AVEN: variants seen among roughly 807,000 people sequenced by gnomAD.
AVEN encodes the protein apoptosis and caspase activation inhibitor.
A neutral mutation model predicts 38.1 loss-of-function variants in AVEN; 41 were observed. The observed-to-expected ratio is 1.08, with a 90% confidence interval of 0.84 to 1.40. The LOEUF is 1.40. Among genes scored for constraint, AVEN ranks in the 40% most tolerant of loss-of-function variants. The probability of loss-of-function intolerance (pLI) is 0.00; values close to 1 mark genes in which losing one functional copy is unlikely to be tolerated. For synonymous variants in AVEN, 206 were observed against 171.8 expected, an observed-to-expected ratio of 1.20 and a Z score of -1.56; for missense variants, 605 against 438.8, an observed-to-expected ratio of 1.38 and a Z score of -3.38.
Position 33,875,987 on chromosome 15 carries a change from A to G in AVEN, c.454T>C (p.Phe152Leu). 1 of 1,612,940 alleles carries G rather than the reference A, an allele frequency of 6.2e-7. No homozygotes were observed. Among genetic ancestry groups the G allele is most frequent in the Non-Finnish European group, 8.5e-7 (1 of 1,179,772 alleles). The part of the protein sequence containing the change: ...SVLLSSAGDS[F>L]SQFRFAEEKE... ...TCCTCAGCAAACCGGAACTGTGAGA[A>G]TGAGTCCCCTAGGAATAGGAAAAAA... The change falls in exon 3 of 6, where the codon TTC (phenylalanine) becomes CTC (leucine). Residue 152 changes from phenylalanine to leucine, a missense_variant. Transcript: ENST00000306730.
intron 2 of AVEN, among the ~76,000 whole-genome samples, chr15:33,912,482 A>C (rs1192205790): frequency 6.6e-6 from 1 of 152,254 alleles, no homozygotes; most frequent in Non-Finnish European, 1.5e-5. Flanking sequence ...TCATAAAGTT[A>C]CTACCTATAA....
chr15:33,901,192 G>A lies in AVEN; in HGVS notation c.446-25197C>T, dbSNP rs1046117355. ...TGAGGCAGGAGAATGGTGTGAACCCGGGAGGCGGAGCTTGCAGTGAGCGGA... is the reference window on the plus strand; with the variant it reads ...TGAGGCAGGAGAATGGTGTGAACCCAGGAGGCGGAGCTTGCAGTGAGCGGA... On this transcript the variant is annotated intron_variant, in intron 2 of 5. Transcript: ENST00000306730. Among the ~76,000 whole-genome samples, 10 of 152,156 alleles carry A rather than the reference G, an allele frequency of 6.6e-5. No homozygotes were observed. In the East Asian group the frequency reaches 9.6e-4, roughly 15 times the overall value.
chr15:34,039,098 C>T lies in AVEN; in HGVS notation c.-52G>A. 9.4e-7 allele frequency: 1 copy of T among 1,066,742 alleles called. No homozygotes were observed. Among genetic ancestry groups the T allele is most frequent in the Middle Eastern group, 4.3e-4 (1 of 2,348 alleles). 66.1% of individuals were successfully genotyped at this position (1,066,742 alleles called of 1,614,324 possible). ...CGCGGGAGCCGAGCTGCGGCGGAGACGCCCTGGCCCCACCGGAAGCGGGCC... is the reference window on the plus strand; with the variant it reads ...CGCGGGAGCCGAGCTGCGGCGGAGATGCCCTGGCCCCACCGGAAGCGGGCC... On this transcript the variant is annotated 5_prime_UTR_variant, in exon 1 of 6. Coordinates refer to ENST00000306730, the MANE Select transcript of AVEN (RefSeq NM_020371.3).
rs540048042 is a variant in AVEN at position 33,932,540 on chromosome 15, G to C, written c.446-56545C>G. The stretch of plus-strand genomic sequence containing the variant: ...AGCCAGCGTTACTTTTAAATTGTAG[G>C]TCTGGGCTGGGCGCGGTGGCTCACG... On this transcript the variant is annotated intron_variant, in intron 2 of 5. Coordinates refer to ENST00000306730, the MANE Select transcript of AVEN (RefSeq NM_020371.3). Among the ~76,000 whole-genome samples the C allele has an allele frequency of 3.6e-4, 55 of 152,126 alleles. No homozygotes were observed. The Middle Eastern group carries it at 0.01, about 28-fold the overall frequency.
At chr15:33,908,248 A>ATTCTCTCTCACCC (rs1597218959) in intron 2 of AVEN, among the ~76,000 whole-genome samples, 1 of 40,712 alleles carries the variant, frequency 2.5e-5, no homozygotes, top group Non-Finnish European at 8.2e-5. Context: ...ACACATAACC[A>ATTCTCTCTCACCC]GGATTCTTTT....
intron 2 of AVEN, among the ~76,000 whole-genome samples, chr15:33,939,747 A>G (rs2153053389): frequency 6.6e-6 from 1 of 152,262 alleles, no homozygotes; most frequent in South Asian, 2.1e-4. Context: ...TGTTCCCCCA[A>G]AACTCATTTG....
chr15:33,941,098 C>T (rs972637277), intron 2 of AVEN, among the ~76,000 whole-genome samples: 10 of 152,082 alleles, frequency 6.6e-5, no homozygotes, highest in African/African-American at 2.4e-4. Context: ...TTTGAGAAGC[C>T]CCAGAGTTAA....
intron 2 of AVEN, among the ~76,000 whole-genome samples, chr15:33,907,910 A>G (rs910427656): frequency 2.6e-5 from 4 of 152,190 alleles, no homozygotes; most frequent in African/African-American, 4.8e-5. Flanking sequence ...AGACCTTTAT[A>G]AACACAATAC....
At chr15:34,028,576 A>G (rs1872806) in intron 1 of AVEN, among the ~76,000 whole-genome samples, 97,639 of 152,122 alleles carry the variant, frequency 0.64, 36,685 homozygotes, top group Non-Finnish European at 0.85. Flanking sequence ...AAAACAAACA[A>G]CAACAACAAC....
chr15:34,064,429 C>A, intron 4 of AVEN: 2 of 1,322,178 alleles, frequency 1.5e-6, no homozygotes, highest in Non-Finnish European at 2.0e-6. Flanking sequence ...ATTTTGAGTC[C>A]TTGAAGATTT....
rs754882320 is a variant in AVEN, at chr15:34,063,411, G to C, written n.1148C>G. 6.2e-7 allele frequency: 1 copy of C among 1,613,954 alleles called. No homozygotes were observed. The highest frequency in any genetic ancestry group is 8.5e-7 in the Non-Finnish European group (1 of 1,180,044). ...AACCAAGGACCTGGCTGACCTCCAG[G>C]GTTCTGACTCTGTGACCAAAGCTGA... On this transcript the variant is annotated non_coding_transcript_exon_variant, in exon 5 of 12. Coordinates refer to the AVEN transcript ENST00000675287. This position sits in a 1 kb window ranked among gnomAD's most constrained non-coding sequence, Gnocchi z 4.1.
intron 2 of AVEN, among the ~76,000 whole-genome samples, chr15:33,927,256 AAATAATAATAAT>A (rs143126877): frequency 1.3e-5 from 2 of 150,662 alleles, no homozygotes; most frequent in Non-Finnish European, 3.0e-5. Context: ...CTCCATCTCA[AAATAATAATAAT>A]AATAATAATA....
At chr15:33,985,404 G>A (rs1324377924) in intron 2 of AVEN, among the ~76,000 whole-genome samples, 1 of 150,756 alleles carries the variant, frequency 6.6e-6, no homozygotes, top group African/African-American at 2.4e-5. Flanking sequence ...GGAACACTGA[G>A]CTGAGTGCAT....
At chr15:33,994,225 C>A (rs1229573115) in intron 2 of AVEN, among the ~76,000 whole-genome samples, 2 of 152,212 alleles carry the variant, frequency 1.3e-5, no homozygotes, top group Non-Finnish European at 2.9e-5. Context: ...GTCAGATCAG[C>A]AGCAGCATTC....
intron 2 of AVEN, among the ~76,000 whole-genome samples, chr15:33,957,745 A>C (rs965713791): frequency 6.6e-6 from 1 of 151,848 alleles, no homozygotes; most frequent in Non-Finnish European, 1.5e-5. Context: ...AGCCAGACAT[A>C]AGCGAATACT....
chr15:33,958,272 G>A lies in AVEN; in HGVS notation c.445+44760C>T, dbSNP rs79557470. Among the ~76,000 whole-genome samples the A allele has an allele frequency of 7.3e-3, 1,118 of 152,138 alleles. 14 individuals carry two copies. Among genetic ancestry groups the A allele is most frequent in the African/African-American group, 0.025 (1,057 of 41,500 alleles). ...AAATTGCAAAATAATTCACCTAGAC[G>A]CTTGAATAATAAGAAAACTTCTTCT... On this transcript the variant is annotated intron_variant, in intron 2 of 5. Transcript: ENST00000306730.
intron 2 of AVEN, among the ~76,000 whole-genome samples, chr15:33,886,408 G>C (rs1367864386): frequency 1.3e-5 from 2 of 152,122 alleles, no homozygotes; most frequent in African/African-American, 4.8e-5. Flanking sequence ...GTTCAAGTGA[G>C]TCTCCTGCCT....
rs146508295 is a variant in AVEN at position 33,890,263 on chromosome 15, C to T, written c.446-14268G>A. 2.7e-3 allele frequency among the ~76,000 whole-genome samples: 409 copies of T among 152,280 alleles called. 1 individual carries two copies. The highest frequency in any genetic ancestry group is 9.1e-3 in the African/African-American group (380 of 41,552). Reference sequence around the variant, plus strand: ...AAGCCAACATGATTTCTGCAATGTACACATCTTCAGTAAAGCACTGTTAAC... The same window carrying T: ...AAGCCAACATGATTTCTGCAATGTATACATCTTCAGTAAAGCACTGTTAAC... On this transcript the variant is annotated intron_variant, in intron 2 of 5. Coordinates refer to ENST00000306730, the MANE Select transcript of AVEN (RefSeq NM_020371.3).
At chr15:34,017,724 C>A (rs908763901) in intron 1 of AVEN, among the ~76,000 whole-genome samples, 7 of 152,240 alleles carry the variant, frequency 4.6e-5, no homozygotes, top group African/African-American at 1.7e-4. Flanking sequence ...AAGTGATCCA[C>A]CCACCTCAGC....
Sources: gnomAD v4.1 joint callset for allele counts (sites outside exome capture counted in the v4.1 genomes callset) on GRCh38, gnomAD v4.1.1 for gene constraint, Gnocchi (gnomAD v3.1) non-coding constraint, MANE v1.5 for transcripts, NCBI Gene and HGNC (gene_info 2026-07-23, HGNC 2026-07-21) for gene names.